The following NRXN1 variants were observed in gnomAD, a reference collection of about 807,000 sequenced individuals.
NRXN1 encodes neurexin-1.
In NRXN1, 39 loss-of-function variants were observed where a neutral mutation model predicts 150.9. That is an observed-to-expected ratio of 0.26 (90% CI 0.20 to 0.34). The LOEUF (loss-of-function observed/expected upper bound fraction) is 0.34. Ranked by LOEUF, NRXN1 falls within the 10% of genes least tolerant of loss-of-function variation. The pLI, the probability that NRXN1 is intolerant of heterozygous loss-of-function variation, is 1.00. For synonymous variants in NRXN1, 924 were observed against 757.0 expected (o/e 1.22, Z -3.62); for missense variants, 1,815 against 1,949.9 (o/e 0.93, Z 1.30).
intron 17 of NRXN1, among the ~76,000 whole-genome samples, chr2:50,251,594 G>C (rs1228129090): frequency 6.6e-6 from 1 of 152,134 alleles, no homozygotes; most frequent in Non-Finnish European, 1.5e-5. Context: ...CTAGGTCTTT[G>C]AGGAATTGGC....
intron 17 of NRXN1, among the ~76,000 whole-genome samples, chr2:50,333,682 A>C (rs1313934481): frequency 6.6e-6 from 1 of 151,974 alleles, no homozygotes; most frequent in African/African-American, 2.4e-5. Flanking sequence ...GAAAGACAGC[A>C]GAATGGATTT....
intron 17 of NRXN1, among the ~76,000 whole-genome samples, chr2:50,332,480 T>C (rs1398031988): frequency 3.9e-5 from 6 of 152,182 alleles, no homozygotes; most frequent in African/African-American, 2.4e-5. Context: ...TCACTAATGA[T>C]ACCTGAAAGC....
At chr2:49,935,379 C>T (rs562845448) in intron 22 of NRXN1, among the ~76,000 whole-genome samples, 2 of 152,148 alleles carry the variant, frequency 1.3e-5, no homozygotes, top group African/African-American at 4.8e-5. Context: ...TTTCTTTCTC[C>T]TATTTTTTTT....
At chr2:50,679,878 A>G (rs1240579835) in intron 5 of NRXN1, among the ~76,000 whole-genome samples, 2 of 152,058 alleles carry the variant, frequency 1.3e-5, no homozygotes, top group African/African-American at 4.8e-5. Flanking sequence ...CACACCTGTA[A>G]TCCCAGCACT....
intron 5 of NRXN1, among the ~76,000 whole-genome samples, chr2:50,712,711 G>A (rs1478590440): frequency 1.3e-5 from 2 of 152,120 alleles, no homozygotes; most frequent in Non-Finnish European, 2.9e-5. Flanking sequence ...CTCATATGCA[G>A]AATTTATTTG....
At chr2:50,739,427 G>C in intron 5 of NRXN1, among the ~76,000 whole-genome samples, 1 of 152,042 alleles carries the variant, frequency 6.6e-6, no homozygotes, top group African/African-American at 2.4e-5. Flanking sequence ...CACAAAAAAT[G>C]TCTATTATGC....
chr2:49,974,186 G>A (rs949743128), intron 21 of NRXN1: 4 of 707,530 alleles, frequency 5.7e-6, no homozygotes, highest in Middle Eastern at 2.3e-4. Context: ...ACAGATGGGC[G>A]AGAAAAGACA....
chr2:50,174,284 T>C (rs2060216766), intron 18 of NRXN1, among the ~76,000 whole-genome samples: 1 of 152,192 alleles, frequency 6.6e-6, no homozygotes, highest in Non-Finnish European at 1.5e-5. Flanking sequence ...GGCCATTGAC[T>C]GTCTTGTGAG....
chr2:50,364,559 T>C (rs563819258), intron 17 of NRXN1, among the ~76,000 whole-genome samples: 68 of 152,254 alleles, frequency 4.5e-4, no homozygotes, highest in African/African-American at 1.6e-3. Context: ...TTGTCAATTC[T>C]CTCCTGCTTC....
intron 18 of NRXN1, among the ~76,000 whole-genome samples, chr2:50,195,945 T>A (rs2061731764): frequency 6.6e-6 from 1 of 152,054 alleles, no homozygotes; most frequent in African/African-American, 2.4e-5. Flanking sequence ...GCCTTTCTTT[T>A]TTGGTTTGTT....
chr2:50,715,392 T>G (rs550074626), intron 5 of NRXN1, among the ~76,000 whole-genome samples: 67 of 152,276 alleles, frequency 4.4e-4, no homozygotes, highest in African/African-American at 1.4e-3. Flanking sequence ...CTATTGCCTG[T>G]GATTGTAATA....
chr2:50,768,935 CAT>C (rs1035826422), intron 5 of NRXN1, among the ~76,000 whole-genome samples: 6 of 151,616 alleles, frequency 4.0e-5, no homozygotes, highest in African/African-American at 7.3e-5. Context: ...CACACACACA[CAT>C]ACACACACAC....
At chr2:50,996,729 T>C (rs1223780083) in intron 2 of NRXN1, among the ~76,000 whole-genome samples, 1 of 151,628 alleles carries the variant, frequency 6.6e-6, no homozygotes, top group Non-Finnish European at 1.5e-5. Context: ...TGCAGAAAAC[T>C]AGAAAATTGG....
At chr2:50,130,439 G>A (rs1266714102) in intron 18 of NRXN1, among the ~76,000 whole-genome samples, 1 of 152,140 alleles carries the variant, frequency 6.6e-6, no homozygotes, top group African/African-American at 2.4e-5. Flanking sequence ...GCTTCCCAGA[G>A]CTCAGAGAAC....
intron 5 of NRXN1, among the ~76,000 whole-genome samples, chr2:50,896,786 G>A (rs974287591): frequency 6.6e-6 from 1 of 151,962 alleles, no homozygotes; most frequent in African/African-American, 2.4e-5. Context: ...GGTGGAGGTT[G>A]CAGTGAGCCA....
chr2:50,574,942 C>G (rs532164223), intron 8 of NRXN1, among the ~76,000 whole-genome samples: 1 of 152,302 alleles, frequency 6.6e-6, no homozygotes, highest in South Asian at 2.1e-4. Flanking sequence ...CACCACACAA[C>G]GTCCCCCAGC....
intron 21 of NRXN1, among the ~76,000 whole-genome samples, chr2:49,962,206 G>A (rs1676090162): frequency 6.6e-6 from 1 of 152,176 alleles, no homozygotes; most frequent in Admixed American, 6.5e-5. Flanking sequence ...CCAATCAACT[G>A]CCTCCTCACC....
intron 2 of NRXN1, among the ~76,000 whole-genome samples, chr2:50,942,968 G>C (rs1421212533): frequency 1.3e-5 from 2 of 152,180 alleles, no homozygotes; most frequent in Non-Finnish European, 2.9e-5. Context: ...ATCCCCATGT[G>C]TTGGAGTTAG....
intron 8 of NRXN1, among the ~76,000 whole-genome samples, chr2:50,573,363 T>C (rs532914221): frequency 8.8e-5 from 13 of 147,828 alleles, no homozygotes; most frequent in African/African-American, 3.2e-4. Flanking sequence ...ACTCTGTCTT[T>C]AAAAAAAAAA....
Sources: allele counts gnomAD v4.1 joint callset (sites outside exome capture counted in the v4.1 genomes callset), GRCh38; gene constraint gnomAD v4.1.1; transcripts MANE v1.5; gene names NCBI Gene and HGNC (gene_info 2026-07-23, HGNC 2026-07-21).